The following CCT3 variants were observed in gnomAD, a reference collection of about 807,000 sequenced individuals.
CCT3 encodes chaperonin containing TCP1 subunit 3.
A neutral mutation model predicts 65.3 loss-of-function variants in CCT3; 10 were observed. The observed-to-expected ratio is 0.15, with a 90% CI of 0.09 to 0.26. The LOEUF (loss-of-function observed/expected upper bound fraction) is 0.26, where lower values mean the gene tolerates loss of function less well. Among genes scored for constraint, CCT3 ranks in the 10% least tolerant of loss-of-function variants. CCT3 has a pLI of 1.00. For missense variants in CCT3, 626 were observed against 708.7 expected, an observed-to-expected ratio of 0.88 and a Z score of 1.33; for synonymous variants, 225 against 242.3, an observed-to-expected ratio of 0.93 and a Z score of 0.66.
chr1:156,321,149 T>A, intron 6 of CCT3, 124 bp from the exon 7 acceptor site: 1 of 744,414 alleles, frequency 1.3e-6, no homozygotes, highest in Non-Finnish European at 2.1e-6. Context: ...TTTGTTCCTT[T>A]GGAGGAAACT....
intron 5 of CCT3, chr1:156,332,690 G>A (rs1665153886): frequency 6.6e-6 from 1 of 152,188 alleles, no homozygotes. Context: ...TTTTCTTGAT[G>A]ATTTCGGTAT....
chr1:156,330,533 A>G (rs1235273107), intron 5 of CCT3, among the ~76,000 whole-genome samples: 1 of 151,876 alleles, frequency 6.6e-6, no homozygotes, highest in Non-Finnish European at 1.5e-5. Flanking sequence ...GCTTGGTGGC[A>G]TGCGCCTATA....
At chr1:156,321,647 G>A (rs1204468556) in intron 6 of CCT3, among the ~76,000 whole-genome samples, 1 of 152,154 alleles carries the variant, frequency 6.6e-6, no homozygotes, top group Non-Finnish European at 1.5e-5. Flanking sequence ...GCCAAGGCGG[G>A]CAGATCACTT....
chr1:156,328,447 G>A (rs868488980), intron 5 of CCT3, among the ~76,000 whole-genome samples: 1 of 151,992 alleles, frequency 6.6e-6, no homozygotes, highest in South Asian at 2.1e-4. Context: ...TTGAGAAATC[G>A]GATGGTTGCC....
rs193167977 is a variant in CCT3 at position 156,311,210 on chromosome 1, C to T, written c.1156-15G>A. 8.1e-6 allele frequency: 13 copies of T among 1,612,166 alleles called. No homozygotes were observed. Among genetic ancestry groups the T allele is most frequent in the Non-Finnish European group, 1.0e-5 (12 of 1,179,026 alleles). ...CGTTCTACTTCCTTGGAGAAGCAAA[C>T]AGACAGTATGAAGCCAAAGCTTGAT... On this transcript the variant is annotated splice_polypyrimidine_tract_variant and intron_variant, in intron 11 of 13. Coordinates refer to ENST00000295688, the MANE Select transcript of CCT3 (RefSeq NM_005998.5).
At chr1:156,310,468 T>G (rs1664035030) in intron 13 of CCT3, 90 bp downstream of exon 13, 1 of 1,005,862 alleles carries the variant, frequency 9.9e-7, no homozygotes, top group Middle Eastern at 3.7e-4. Context: ...CACTCCAGCC[T>G]GGGTGACTGA....
intron 4 of CCT3, 126 bp from the exon 5 acceptor site, chr1:156,333,769 C>G: frequency 1.5e-6 from 1 of 656,156 alleles, no homozygotes; most frequent in Non-Finnish European, 2.6e-6. Flanking sequence ...TTTACCATAT[C>G]TTGAAAGATT....
rs145655992 is a variant in CCT3, at chr1:156,325,082, T to G, written c.312A>C (p.Glu104Asp). ...GTTSVIILAGEMLSVAEHFLE... is the reference protein window; with the variant it reads ...GTTSVIILAGDMLSVAEHFLE... ...GGAAGTGCTCAGCTACAGACAGCAT[T>G]TCCCCTGCTGAAAAAGATACAAGCA... Residue 104 changes from glutamate (E) to aspartate (D), a missense_variant, in exon 6 of 14, where the codon GAA becomes GAC. By Grantham distance (45) the Glu-to-Asp change is conservative (BLOSUM62 2). Transcript: ENST00000295688. 18 of 1,609,096 alleles carry G rather than the reference T, an allele frequency of 1.1e-5. No individual in the cohort carries two copies. The highest frequency in any genetic ancestry group is 1.4e-5 in the Non-Finnish European group (17 of 1,177,178).
chr1:156,325,149 CTTAA>C, intron 5 of CCT3, 60 bp from the exon 6 acceptor site: 5 of 1,183,506 alleles, frequency 4.2e-6, no homozygotes, highest in South Asian at 2.4e-5. Flanking sequence ...AGGCAAGTAA[CTTAA>C]TTATTCTTCC....
chr1:156,313,852 G>A (rs1486250701), intron 10 of CCT3, among the ~76,000 whole-genome samples: 1 of 152,192 alleles, frequency 6.6e-6, no homozygotes, highest in Non-Finnish European at 1.5e-5. Context: ...CACTTTGGGA[G>A]GCCAAGGCGG....
chr1:156,327,937 G>A (rs538672133), intron 5 of CCT3, among the ~76,000 whole-genome samples: 1,114 of 87,348 alleles, frequency 0.013, 25 homozygotes, highest in African/African-American at 0.032. Flanking sequence ...CTGCCCAGCC[G>A]CGACCCCGTC....
chr1:156,317,511 G>C lies in CCT3; in HGVS notation c.796C>G (p.Arg266Gly). ...IEITREEDFT[R>G]ILQMEEEYIQ... ...TACTCTTCCTCCATCTGGAGAATTCGGGTGAAGTCCTCCTCTCGTGTAATC... is the reference window on the plus strand; with the variant it reads ...TACTCTTCCTCCATCTGGAGAATTCCGGTGAAGTCCTCCTCTCGTGTAATC... Residue 266 changes from arginine to glycine, a missense_variant, in exon 9 of 14, where the codon CGA becomes GGA. Physicochemically the swap from Arg to Gly is moderately radical, Grantham distance 125. Coordinates refer to ENST00000295688, the MANE Select transcript of CCT3 (RefSeq NM_005998.5). 6.2e-7 allele frequency: 1 copy of C among 1,613,750 alleles called. No individual in the cohort carries two copies. The highest frequency in any genetic ancestry group is 8.5e-7 in the Non-Finnish European group (1 of 1,179,728).
chr1:156,337,774 A>AT (rs1665493541), intron 1 of CCT3: 2 of 274,530 alleles, frequency 7.3e-6, no homozygotes, highest in Non-Finnish European at 1.4e-5. Flanking sequence ...GGCCAAGAAT[A>AT]TAAAGCTAGA....
At position 156,338,264 on chromosome 1, in the gene CCT3, C is replaced by A; in HGVS notation, c.-80G>T. ...TGGAGAGAGAGAACCAGACAGAAGC[C>A]CAGAAAACGCTGCCTCCTCAGGGCT... On this transcript the variant is annotated 5_prime_UTR_variant, in exon 1 of 14. Transcript: ENST00000295688. 3 of 1,452,622 alleles carry A rather than the reference C, an allele frequency of 2.1e-6. No homozygotes were observed. The highest frequency in any genetic ancestry group is 2.8e-6 in the Non-Finnish European group (3 of 1,057,428). The allele number at this position is 1,452,622 out of a possible 1,614,324, so 90.0% of individuals were successfully genotyped here.
At position 156,336,015 on chromosome 1, in the gene CCT3, A is replaced by G. The variant is rs41265039; in HGVS notation, c.32-127T>C. 5.0e-3 allele frequency: 3,215 copies of G among 640,770 alleles called. 20 individuals carry two copies. Among genetic ancestry groups the G allele is most frequent in the Non-Finnish European group, 6.7e-3 (2,505 of 372,814 alleles). The allele number at this position is 640,770 out of a possible 1,614,324, so 39.7% of individuals were successfully genotyped here. A position where few individuals can be genotyped will look rare whatever the true frequency, so the allele number is the denominator to read the frequency against. ...TATATCCACAGAGCAAAGCTTATCA[A>G]ACTCTACACTTTAAATAAGTGCAGT... On this transcript the variant is annotated intron_variant, in intron 1 of 13. Coordinates refer to ENST00000295688, the MANE Select transcript of CCT3 (RefSeq NM_005998.5).
At chr1:156,336,457 C>G (rs986764411) in intron 1 of CCT3, among the ~76,000 whole-genome samples, 1 of 152,104 alleles carries the variant, frequency 6.6e-6, no homozygotes, top group Non-Finnish European at 1.5e-5. Flanking sequence ...TTAGTGATAG[C>G]GCCCCCACAG....
At chr1:156,325,202 T>C in intron 5 of CCT3, 113 bp from the exon 6 acceptor site, 1 of 777,812 alleles carries the variant, frequency 1.3e-6, no homozygotes, top group Admixed American at 2.0e-5. Flanking sequence ...CCAAAAGGTA[T>C]GACATTTGGC....
intron 11 of CCT3, 47 bp downstream of exon 11, chr1:156,311,994 A>C: frequency 6.8e-7 from 1 of 1,476,126 alleles, no homozygotes; most frequent in East Asian, 2.4e-5. Flanking sequence ...ACTCTCAAGA[A>C]GTTCAGTGAT....
chr1:156,317,330 G>A lies in CCT3; in HGVS notation c.893-83C>T, dbSNP rs556170086. The A allele has an allele frequency of 2.3e-4, 367 of 1,585,772 alleles. 1 individual carries two copies. In the African/African-American group the frequency reaches 4.6e-3, roughly 20 times the overall value. ...GTACTCTTAACCATGACACTATTAC[G>A]CCCCTGCCAAACATGAGGGGAGAAA... On this transcript the variant is annotated intron_variant, in intron 9 of 13. Coordinates refer to ENST00000295688, the MANE Select transcript of CCT3 (RefSeq NM_005998.5).
Sources: gnomAD v4.1 joint callset for allele counts (sites outside exome capture counted in the v4.1 genomes callset) on GRCh38, gnomAD v4.1.1 for gene constraint, MANE v1.5 for transcripts, NCBI Gene and HGNC (gene_info 2026-07-23, HGNC 2026-07-21) for gene names.